The following DCAF8L2 variants were observed in gnomAD, a reference collection of about 807,000 sequenced individuals.
The protein encoded by DCAF8L2 is DDB1 and CUL4 associated factor 8 like 2.
For missense variants in DCAF8L2, 430 were observed against 490.7 expected (o/e 0.88, Z 1.17); for synonymous variants, 200 against 190.9 (o/e 1.05, Z -0.39).
chrX:27,641,464 TTTACTTTTC>T (rs1174351154), intron 2 of DCAF8L2, among the ~76,000 whole-genome samples: 5 of 46,423 alleles, frequency 1.1e-4, no homozygotes, highest in Admixed American at 2.3e-4. Context: ...TTTCCTTTTC[TTTACTTTTC>T]TTTTTTTTTT....
chrX:27,526,589 G>A, the DCAF8L2 span, among the ~76,000 whole-genome samples: 1 of 112,505 alleles, frequency 8.9e-6, no homozygotes, highest in South Asian at 3.7e-4. Flanking sequence ...CCTTTGGAGG[G>A]GGAGAGGTGC....
chrX:27,665,427 A>G (rs1033951518), intron 2 of DCAF8L2, among the ~76,000 whole-genome samples: 4 of 111,791 alleles, frequency 3.6e-5, no homozygotes, highest in African/African-American at 1.3e-4. Context: ...TGAGCAAAGA[A>G]AGTGATTTCT....
At position 27,747,460 on chromosome X, in the gene DCAF8L2, G is replaced by A; in HGVS notation, c.565G>A (p.Val189Ile). The change falls in exon 5 of 5, where the codon GTC (valine) becomes ATC (isoleucine). Residue 189 changes from valine (V) to isoleucine (I), a missense_variant. By Grantham distance (29) the Val-to-Ile change is conservative. Transcript: ENST00000451261. ...TSALPRPRWQ[V>I]VTALHQRQLG... ...TGCCCTGCCCCGACCTCGCTGGCAG[G>A]TCGTTACTGCTCTTCACCAGCGGCA... 8.5e-7 allele frequency: 1 copy of A among 1,175,505 alleles called. No individual in the cohort carries two copies. Among genetic ancestry groups the A allele is most frequent in the South Asian group, 1.9e-5 (1 of 53,139 alleles).
In DCAF8L2 at chrX:27,595,981, A is replaced by T. The variant is rs1008462499; in HGVS notation, c.-342+5541A>T. On this transcript the variant is annotated intron_variant, in intron 1 of 4. Transcript: ENST00000451261. ...GAAGCAGAGGTTGCAGGGAGGTGAG[A>T]TTGTGCCATGGCACCCCAGCCTGTG... Among the ~76,000 whole-genome samples the T allele has an allele frequency of 4.5e-5, 5 of 112,125 alleles. No individual in the cohort carries two copies. The East Asian group carries it at 1.4e-3, about 31-fold the overall frequency.
chrX:27,548,587 C>T, the DCAF8L2 span, among the ~76,000 whole-genome samples: 1 of 111,516 alleles, frequency 9.0e-6, no homozygotes, highest in African/African-American at 3.3e-5. Context: ...GATCGGTACA[C>T]GAGGTGTGGG....
intron 4 of DCAF8L2, among the ~76,000 whole-genome samples, chrX:27,725,618 A>G (rs903926522): frequency 1.8e-5 from 2 of 110,364 alleles, no homozygotes; most frequent in Non-Finnish European, 3.8e-5. Flanking sequence ...CCAATAATAT[A>G]CATGGTTAAA....
At chrX:27,479,805 C>G in the DCAF8L2 span, among the ~76,000 whole-genome samples, 1 of 111,943 alleles carries the variant, frequency 8.9e-6, no homozygotes, top group African/African-American at 3.2e-5. Context: ...ATTATCCAGT[C>G]CCCTTTCACT....
the DCAF8L2 span, among the ~76,000 whole-genome samples, chrX:27,470,150 A>G: frequency 4.8e-5 from 1 of 20,621 alleles, no homozygotes; most frequent in Admixed American, 5.3e-4. Flanking sequence ...ATCATTCAGA[A>G]AAAAAAATCA....
intron 3 of DCAF8L2, among the ~76,000 whole-genome samples, chrX:27,682,674 A>G (rs1233966334): frequency 7.2e-5 from 8 of 110,901 alleles, no homozygotes; most frequent in Non-Finnish European, 1.3e-4. Flanking sequence ...ATTCAAGTCA[A>G]TGCAAGTTCA....
the DCAF8L2 span, among the ~76,000 whole-genome samples, chrX:27,564,748 T>G: frequency 1.8e-5 from 2 of 110,209 alleles, no homozygotes; most frequent in South Asian, 7.7e-4. Context: ...AAAAAATTCC[T>G]CTGTAAGAAT....
chrX:27,480,071 C>T, the DCAF8L2 span, among the ~76,000 whole-genome samples: 1 of 112,526 alleles, frequency 8.9e-6, no homozygotes, highest in Admixed American at 9.4e-5. Flanking sequence ...AACACACCAC[C>T]ACATTAACTG....
the DCAF8L2 span, among the ~76,000 whole-genome samples, chrX:27,481,833 G>A: frequency 5.4e-5 from 6 of 111,974 alleles, no homozygotes; most frequent in East Asian, 5.6e-4. Context: ...GAAAGTCTAT[G>A]TGTTAGGATG....
chrX:27,567,970 T>A, the DCAF8L2 span, among the ~76,000 whole-genome samples: 2 of 111,415 alleles, frequency 1.8e-5, no homozygotes, highest in Non-Finnish European at 3.8e-5. Flanking sequence ...ATATGTAAAT[T>A]ATTTTTTTTT....
chrX:27,563,443 G>A, the DCAF8L2 span, among the ~76,000 whole-genome samples: 1 of 111,794 alleles, frequency 8.9e-6, no homozygotes, highest in African/African-American at 3.2e-5. Flanking sequence ...AGCCTTGAGG[G>A]GGGACCATAG....
intron 3 of DCAF8L2, among the ~76,000 whole-genome samples, chrX:27,691,250 A>G (rs1005419997): frequency 2.7e-5 from 3 of 111,775 alleles, no homozygotes; most frequent in African/African-American, 9.7e-5. Flanking sequence ...ATTATTTTTT[A>G]TGTTAAATAG....
At chrX:27,612,033 G>A (rs1380466923) in intron 1 of DCAF8L2, among the ~76,000 whole-genome samples, 7 of 111,458 alleles carry the variant, frequency 6.3e-5, no homozygotes, top group African/African-American at 2.3e-4. Context: ...CTTCCACAAT[G>A]GTTGAACTAG....
the DCAF8L2 span, among the ~76,000 whole-genome samples, chrX:27,504,683 A>G: frequency 9.0e-6 from 1 of 111,627 alleles, no homozygotes; most frequent in South Asian, 3.8e-4. Context: ...TATGGGAGGA[A>G]TGAAAAATTG....
intron 4 of DCAF8L2, among the ~76,000 whole-genome samples, chrX:27,731,330 C>T (rs780423373): frequency 9.0e-6 from 1 of 110,878 alleles, no homozygotes; most frequent in South Asian, 3.8e-4. Flanking sequence ...AACCTGGAGA[C>T]GCGGAGGTTG....
chrX:27,688,142 A>G (rs1466640258), intron 3 of DCAF8L2, among the ~76,000 whole-genome samples: 3 of 111,829 alleles, frequency 2.7e-5, no homozygotes, highest in Non-Finnish European at 5.6e-5. Context: ...ATAGAGAAAG[A>G]TTTCAGTCAC....
Sources: allele counts gnomAD v4.1 joint callset (sites outside exome capture counted in the v4.1 genomes callset), GRCh38; gene constraint gnomAD v4.1.1; transcripts MANE v1.5; gene names NCBI Gene and HGNC (gene_info 2026-07-23, HGNC 2026-07-21).